The following ZNF253 variants were observed in gnomAD, a reference collection of about 807,000 sequenced individuals.
The protein encoded by ZNF253 is zinc finger protein 253.
Under a neutral mutation model 11.9 loss-of-function variants are expected in ZNF253, and 8 were observed. The ratio of observed to expected loss-of-function variants is 0.67; its 90% CI spans 0.40 to 1.22. The LOEUF (loss-of-function observed/expected upper bound fraction) is 1.22, where lower values mean the gene tolerates loss of function less well. ZNF253 is among the 50% of genes most tolerant of loss of function. The pLI is 0.01. For synonymous variants in ZNF253, 194 were observed against 194.9 expected (o/e 1.00, Z 0.04); for missense variants, 485 against 586.9 (o/e 0.83, Z 1.79).
intron 1 of ZNF253, among the ~76,000 whole-genome samples, chr19:19,868,560 CT>C (rs889366863): frequency 1.3e-5 from 2 of 151,808 alleles, no homozygotes; most frequent in Admixed American, 6.6e-5. Flanking sequence ...CACTCATGAA[CT>C]TTTTTTTATA....
chr19:19,866,064 T>C (rs2063109613), intron 1 of ZNF253, 65 bp downstream of exon 1: 2 of 1,607,788 alleles, frequency 1.2e-6, no homozygotes, highest in African/African-American at 1.3e-5. Context: ...GAAGTGGCTC[T>C]GGCGGGACTC....
rs551538109 is a variant in ZNF253, at chr19:19,866,845, T to G, written c.3+846T>G. 2.6e-5 allele frequency among the ~76,000 whole-genome samples: 4 copies of G among 152,280 alleles called. No individual in the cohort carries two copies. In the East Asian group the frequency reaches 7.7e-4, roughly 29 times the overall value. On this transcript the variant is annotated intron_variant, in intron 1 of 3. Transcript: ENST00000589717. ...CGGGGTCTGACCTCACAATCTAGGC[T>G]GACCCGATTGGCTACTTTCCAAATA...
At chr19:19,875,572 T>G (rs1369989476) in intron 1 of ZNF253, among the ~76,000 whole-genome samples, 1 of 152,108 alleles carries the variant, frequency 6.6e-6, no homozygotes, top group Non-Finnish European at 1.5e-5. Flanking sequence ...ATTTTTTGTA[T>G]TTTTAGTAGA....
chr19:19,874,566 C>T (rs1229946857), intron 1 of ZNF253, among the ~76,000 whole-genome samples: 2 of 151,112 alleles, frequency 1.3e-5, no homozygotes, highest in African/African-American at 4.9e-5. Flanking sequence ...GTTTAAATTG[C>T]ATAGTAGTGT....
chr19:19,883,683 A>G (rs1365192923), intron 3 of ZNF253, among the ~76,000 whole-genome samples: 3 of 152,228 alleles, frequency 2.0e-5, no homozygotes, highest in Non-Finnish European at 4.4e-5. Context: ...CCATTAAGTA[A>G]CAACTGCTCA....
At chr19:19,877,450 A>G (rs2145266695) in intron 1 of ZNF253, among the ~76,000 whole-genome samples, 1 of 151,320 alleles carries the variant, frequency 6.6e-6, no homozygotes, top group East Asian at 1.9e-4. Context: ...ATCTTGGCTC[A>G]CTGCAACATC....
chr19:19,884,145 A>C (rs1432153765), intron 3 of ZNF253, among the ~76,000 whole-genome samples: 1 of 151,970 alleles, frequency 6.6e-6, no homozygotes, highest in African/African-American at 2.4e-5. Context: ...GTGACATAAT[A>C]TTCTCAATCT....
At chr19:19,879,616 C>A (rs999608653) in intron 2 of ZNF253, among the ~76,000 whole-genome samples, 2 of 152,118 alleles carry the variant, frequency 1.3e-5, no homozygotes, top group African/African-American at 4.8e-5. Flanking sequence ...ATTTTAATGT[C>A]CTTACTCTTT....
chr19:19,889,644 C>T (rs1200024291), intron 3 of ZNF253, among the ~76,000 whole-genome samples: 1 of 146,420 alleles, frequency 6.8e-6, no homozygotes, highest in East Asian at 2.4e-4. Flanking sequence ...CTGTTCCTGT[C>T]CTACTTTATT....
chr19:19,887,052 T>G (rs2063209096), intron 3 of ZNF253, among the ~76,000 whole-genome samples: 1 of 152,022 alleles, frequency 6.6e-6, no homozygotes, highest in Non-Finnish European at 1.5e-5. Flanking sequence ...ATCAACTCAC[T>G]TTACTATAAA....
chr19:19,866,428 A>G (rs2063111179), intron 1 of ZNF253, among the ~76,000 whole-genome samples: 1 of 152,164 alleles, frequency 6.6e-6, no homozygotes. Flanking sequence ...ACAGGAAGGC[A>G]TATTTACTTC....
chr19:19,871,672 G>C (rs1442691197), intron 1 of ZNF253, among the ~76,000 whole-genome samples: 1 of 152,172 alleles, frequency 6.6e-6, no homozygotes, highest in Non-Finnish European at 1.5e-5. Flanking sequence ...AACTATGTAT[G>C]ACATGGTGCT....
chr19:19,883,761 T>C (rs2063187430), intron 3 of ZNF253, among the ~76,000 whole-genome samples: 1 of 152,150 alleles, frequency 6.6e-6, no homozygotes, highest in Admixed American at 6.6e-5. Context: ...TGACTACTTA[T>C]GATACCTCAT....
chr19:19,874,694 G>A (rs1367576107), intron 1 of ZNF253, among the ~76,000 whole-genome samples: 3 of 152,114 alleles, frequency 2.0e-5, no homozygotes, highest in East Asian at 1.9e-4. Context: ...GGTGGATCAC[G>A]AGGTCAGGAG....
chr19:19,873,947 C>T (rs1421026417), intron 1 of ZNF253, among the ~76,000 whole-genome samples: 2 of 152,096 alleles, frequency 1.3e-5, no homozygotes, highest in East Asian at 1.9e-4. Context: ...GAGTCTCTGT[C>T]GCCCAGGATG....
intron 1 of ZNF253, chr19:19,871,281 A>ACTCT (rs1413035940): frequency 6.6e-6 from 1 of 152,624 alleles, no homozygotes; most frequent in African/African-American, 2.4e-5. Flanking sequence ...CCTGCAGCTC[A>ACTCT]GGCCTCACTC....
chr19:19,878,746 A>C, intron 2 of ZNF253, 139 bp downstream of exon 2: 1 of 852,148 alleles, frequency 1.2e-6, no homozygotes, highest in Non-Finnish European at 1.7e-6. Context: ...GCCATATTTT[A>C]TTTATATTTC....
At chr19:19,888,366 C>T (rs1212969223) in intron 3 of ZNF253, among the ~76,000 whole-genome samples, 2 of 151,774 alleles carry the variant, frequency 1.3e-5, no homozygotes, top group African/African-American at 4.8e-5. Flanking sequence ...GCCTGGCCAA[C>T]GTTATTTTAT....
intron 1 of ZNF253, among the ~76,000 whole-genome samples, chr19:19,867,325 G>A (rs2063115955): frequency 6.7e-6 from 1 of 149,542 alleles, no homozygotes; most frequent in South Asian, 2.1e-4. Flanking sequence ...AGTATTCCAT[G>A]ATATTTATGT....
Sources: gnomAD v4.1 joint callset for allele counts (sites outside exome capture counted in the v4.1 genomes callset) on GRCh38, gnomAD v4.1.1 for gene constraint, MANE v1.5 for transcripts, NCBI Gene and HGNC (gene_info 2026-07-23, HGNC 2026-07-21) for gene names.